ZNF329: variants seen among roughly 807,000 people sequenced by gnomAD.
ZNF329 encodes the protein zinc finger protein 329.
ZNF329 carries 15 observed loss-of-function variants against 26.6 expected under a neutral mutation model. That is an observed-to-expected ratio of 0.56 (90% CI 0.38 to 0.87). ZNF329 has a LOEUF of 0.87. Ranked by LOEUF, ZNF329 falls within the 40% of genes least tolerant of loss-of-function variation. The pLI is 0.00. For missense variants in ZNF329, 651 were observed against 651.9 expected, an observed-to-expected ratio of 1.00 and a Z score of 0.02; for synonymous variants, 239 against 233.5, an observed-to-expected ratio of 1.02 and a Z score of -0.21.
chr19:58,127,976 G>T lies in ZNF329; in HGVS notation c.1528C>A (p.Pro510Thr). Residue 510 changes from proline (P) to threonine (T), a missense_variant, in exon 4 of 4, where the codon CCC (proline) becomes ACC (threonine). By Grantham distance (38) the Pro-to-Thr change is conservative (BLOSUM62 -1). Coordinates refer to ENST00000598312, the MANE Select transcript of ZNF329 (RefSeq NM_024620.4). ...VHQRLHSREG[P>T]SRCPQCGKMF... is the part of the protein sequence containing the mutation. The stretch of plus-strand genomic sequence containing the variant: ...TTTCCACACTGAGGACACCGGCTGG[G>T]ACCCTCCCTGCTATGGAGTCTCTGA... The T allele has an allele frequency of 2.5e-6, 4 of 1,614,024 alleles. No homozygotes were observed. The highest frequency in any genetic ancestry group is 3.4e-6 in the Non-Finnish European group (4 of 1,179,990).
At chr19:58,140,408 CTCTT>C (rs1336973799) in intron 3 of ZNF329, among the ~76,000 whole-genome samples, 4 of 136,446 alleles carry the variant, frequency 2.9e-5, no homozygotes, top group Admixed American at 2.5e-4. Context: ...AACTATAAAA[CTCTT>C]TCTTTTTTTT....
rs547020479 is a variant in ZNF329, at chr19:58,135,499, C to T, written c.-8-5988G>A. On this transcript the variant is annotated intron_variant, in intron 3 of 3. Transcript: ENST00000598312. ...CAGGCTGGTCTCGCACTCCTGGCCT[C>T]AGGTGATCTGCCTGCTTCGGCCCCA... Among the ~76,000 whole-genome samples the T allele has an allele frequency of 2.4e-4, 36 of 152,296 alleles. 1 individual carries two copies. The South Asian group carries it at 3.7e-3, about 16-fold the overall frequency.
chr19:58,130,487 G>A (rs143573286), intron 3 of ZNF329, among the ~76,000 whole-genome samples: 2,800 of 149,770 alleles, frequency 0.019, 80 homozygotes, highest in African/African-American at 0.064. Context: ...CCTGGCTAAC[G>A]TGGTGAAACC....
chr19:58,136,233 AAAAAAAAAG>A (rs1038912340), intron 3 of ZNF329, among the ~76,000 whole-genome samples: 12 of 152,074 alleles, frequency 7.9e-5, no homozygotes, highest in Admixed American at 7.2e-4. Flanking sequence ...CCATCTCAAA[AAAAAAAAAG>A]AAAAAAAAGA....
chr19:58,128,477 A>G lies in ZNF329; in HGVS notation c.1027T>C (p.Tyr343His), dbSNP rs769884776. Residue 343 changes from tyrosine to histidine, a missense_variant, in exon 4 of 4, where the codon TAT becomes CAT. By Grantham distance (83) the Tyr-to-His change is moderately conservative (BLOSUM62 2). Coordinates refer to ENST00000598312, the MANE Select transcript of ZNF329 (RefSeq NM_024620.4). ...GCCTTTCCACATTTGCTACACTCAT[A>G]GGGCTTCTCACCGGTGTGGATTCTG... ...HLRIHTGEKP[Y>H]ECSKCGKAFR... 6.2e-7 allele frequency: 1 copy of G among 1,613,794 alleles called. No individual in the cohort carries two copies. The highest frequency in any genetic ancestry group is 8.5e-7 in the Non-Finnish European group (1 of 1,179,812).
intron 3 of ZNF329, 93 bp from the exon 4 acceptor site, chr19:58,129,604 AT>A: frequency 3.6e-6 from 4 of 1,121,312 alleles, no homozygotes; most frequent in Non-Finnish European, 3.8e-6. Flanking sequence ...AAAGATGTGT[AT>A]TTTTTTACTT....
At chr19:58,147,997 T>C (rs2075364362) in intron 1 of ZNF329, among the ~76,000 whole-genome samples, 1 of 152,106 alleles carries the variant, frequency 6.6e-6, no homozygotes, top group Non-Finnish European at 1.5e-5. Context: ...ATGGTTGCCG[T>C]GTCTGTGCAG....
At chr19:58,141,582 A>G (rs2075189964) in intron 3 of ZNF329, among the ~76,000 whole-genome samples, 1 of 151,984 alleles carries the variant, frequency 6.6e-6, no homozygotes, top group Non-Finnish European at 1.5e-5. Context: ...GGCATAAGCC[A>G]CTGTGCCCGG....
intron 1 of ZNF329, among the ~76,000 whole-genome samples, chr19:58,146,972 C>T (rs1430789910): frequency 6.6e-6 from 1 of 152,138 alleles, no homozygotes. Flanking sequence ...CCGGCCGCCA[C>T]CCTGTCTGGG....
At chr19:58,149,679 CG>C (rs1162155332) in intron 1 of ZNF329, among the ~76,000 whole-genome samples, 1 of 152,066 alleles carries the variant, frequency 6.6e-6, no homozygotes, top group African/African-American at 2.4e-5. Context: ...GTATTCAAAA[CG>C]TACTTCAACA....
rs573305625 is a variant in ZNF329, at chr19:58,127,482, C to T, written c.*396G>A. 19 of 158,968 alleles carry T rather than the reference C, an allele frequency of 1.2e-4. No homozygotes were observed. The highest frequency in any genetic ancestry group is 1.9e-4 in the Non-Finnish European group (14 of 73,816). 9.8% of individuals were successfully genotyped at this position (158,968 alleles called of 1,614,324 possible). On this transcript the variant is annotated 3_prime_UTR_variant, in exon 4 of 4. Transcript: ENST00000598312. ...ATGCCACTGCACAGTGAGACTCTGT[C>T]CGAAAAAAAAAAAAAAGTTGATTCA... is the stretch of plus-strand genomic sequence containing the variant.
intron 1 of ZNF329, among the ~76,000 whole-genome samples, chr19:58,146,443 T>C (rs2146123797): frequency 6.6e-6 from 1 of 151,854 alleles, no homozygotes; most frequent in Admixed American, 6.6e-5. Flanking sequence ...CACTGCACTC[T>C]ACCCTGGGTG....
intron 1 of ZNF329, among the ~76,000 whole-genome samples, chr19:58,144,803 G>A (rs2075269702): frequency 6.6e-6 from 1 of 150,720 alleles, no homozygotes; most frequent in South Asian, 2.1e-4. Flanking sequence ...CTGGGCTCAG[G>A]AGCCATGACC....
At chr19:58,144,396 A>ATATATATTTTTT (rs756544055) in intron 1 of ZNF329, among the ~76,000 whole-genome samples, 1 of 127,716 alleles carries the variant, frequency 7.8e-6, no homozygotes, top group African/African-American at 3.0e-5. Flanking sequence ...ATATATATAT[A>ATATATATTTTTT]TTTTTTTTTT....
intron 3 of ZNF329, among the ~76,000 whole-genome samples, chr19:58,131,883 C>T (rs888153242): frequency 4.0e-5 from 6 of 151,780 alleles, no homozygotes; most frequent in East Asian, 1.9e-4. Flanking sequence ...ATTAGCCAGG[C>T]GTGGTGGCGG....
At chr19:58,135,170 C>T (rs1442222898) in intron 3 of ZNF329, among the ~76,000 whole-genome samples, 2 of 152,240 alleles carry the variant, frequency 1.3e-5, no homozygotes, top group Middle Eastern at 3.4e-3. Flanking sequence ...TGGCCTCAAA[C>T]TCCAGAGCAC....
Position 58,129,425 on chromosome 19 carries a change from C to T in ZNF329, c.79G>A (p.Glu27Lys), listed in dbSNP as rs754580240. Residue 27 changes from glutamate (E) to lysine (K), a missense_variant, in exon 4 of 4, where the codon GAA becomes AAA. By Grantham distance (56) the Glu-to-Lys change is moderately conservative (BLOSUM62 1). Transcript: ENST00000598312. ...CDVEVERFTREVPCLSSLGDG... is the reference protein window; with the variant it reads ...CDVEVERFTRKVPCLSSLGDG... ...CCTAAACTGGACAAGCAGGGAACTT[C>T]CCTTGTGAATCTTTCCACTTCTACA... The T allele has an allele frequency of 1.9e-6, 3 of 1,614,166 alleles. No homozygotes were observed. The East Asian group carries it at 6.7e-5, about 36-fold the overall frequency.
chr19:58,142,086 C>T (rs923220018), intron 3 of ZNF329, among the ~76,000 whole-genome samples: 3 of 151,960 alleles, frequency 2.0e-5, no homozygotes, highest in Non-Finnish European at 4.4e-5. Flanking sequence ...AAAAAAGACC[C>T]ATGCTATAAC....
Position 58,127,851 on chromosome 19 carries a change from C to G in ZNF329, c.*27G>C. 1 of 1,551,962 alleles carries G rather than the reference C, an allele frequency of 6.4e-7. No individual in the cohort carries two copies. Reference sequence around the variant, plus strand: ...TCCTAAACACAGGAGTGAGAGTGAACTGGAAGACTCATGTGGCCCCCAACC... The same window carrying G: ...TCCTAAACACAGGAGTGAGAGTGAAGTGGAAGACTCATGTGGCCCCCAACC... On this transcript the variant is annotated 3_prime_UTR_variant, in exon 4 of 4. Coordinates refer to ENST00000598312, the MANE Select transcript of ZNF329 (RefSeq NM_024620.4).
Sources: gnomAD v4.1 joint callset for allele counts (sites outside exome capture counted in the v4.1 genomes callset) on GRCh38, gnomAD v4.1.1 for gene constraint, MANE v1.5 for transcripts, NCBI Gene and HGNC (gene_info 2026-07-23, HGNC 2026-07-21) for gene names.